Variants in SERPINB2 observed in about 807,000 individuals in gnomAD.
SERPINB2 encodes the protein serpin family B member 2.
A neutral mutation model predicts 39.4 loss-of-function variants in SERPINB2; 28 were observed. The observed-to-expected ratio is 0.71, with a 90% CI of 0.53 to 0.97. The LOEUF is 0.97. SERPINB2 is among the 50% of genes least tolerant of loss of function. The probability of loss-of-function intolerance (pLI) is 0.00; values close to 1 mark genes in which losing one functional copy is unlikely to be tolerated. For synonymous variants in SERPINB2, 209 were observed against 175.1 expected, an observed-to-expected ratio of 1.19 and a Z score of -1.53; for missense variants, 557 against 505.3, an observed-to-expected ratio of 1.10 and a Z score of -0.98.
intron 5 of SERPINB2, among the ~76,000 whole-genome samples, chr18:63,899,091 C>G (rs2049977416): frequency 6.6e-6 from 1 of 152,174 alleles, no homozygotes; most frequent in Non-Finnish European, 1.5e-5. Context: ...ATTGCTGCCT[C>G]TAGACTTTGT....
chr18:63,897,067 A>C, intron 3 of SERPINB2, 24 bp from the exon 4 acceptor site: 1 of 1,607,040 alleles, frequency 6.2e-7, no homozygotes, highest in Non-Finnish European at 8.5e-7. Context: ...GTTATATATA[A>C]AGAATTCCTT....
chr18:63,891,304 T>A (rs1353603901), intron 1 of SERPINB2, 132 bp from the exon 2 acceptor site: 1 of 919,734 alleles, frequency 1.1e-6, no homozygotes, highest in East Asian at 2.5e-5. Flanking sequence ...CTGCCTCATG[T>A]TGTTCCATGA....
rs1029618416 is a variant in SERPINB2, at chr18:63,902,998, T to G, written c.941T>G (p.Leu314Ter). ...GAGGTATACATACCCCAGTTCAAATTAGAAGAGCATTATGAACTCAGATCC... is the reference window on the plus strand; with the variant it reads ...GAGGTATACATACCCCAGTTCAAATGAGAAGAGCATTATGAACTCAGATCC... ...EVEVYIPQFKLEEHYELRSIL... is the reference protein window; with the variant it reads ...EVEVYIPQFK Residue 314 changes from leucine (L) to a stop codon, truncating the protein, a stop_gained, in exon 8 of 8, where the codon TTA becomes TGA. Coordinates refer to ENST00000299502, the MANE Select transcript of SERPINB2 (RefSeq NM_002575.3). LOFTEE classifies it high-confidence loss of function. 1 of 1,613,810 alleles carries G rather than the reference T, an allele frequency of 6.2e-7. No homozygotes were observed. The highest frequency in any genetic ancestry group is 1.7e-4 in the Middle Eastern group (1 of 6,054).
At chr18:63,902,080 C>T (rs558519431) in intron 6 of SERPINB2, among the ~76,000 whole-genome samples, 198 bp downstream of exon 6, 2 of 152,268 alleles carry the variant, frequency 1.3e-5, no homozygotes, top group African/African-American at 2.4e-5. Context: ...CAGACTCCAA[C>T]GTTGGCTCTA....
At chr18:63,892,114 A>G (rs777587478) in intron 2 of SERPINB2, among the ~76,000 whole-genome samples, 260 of 139,706 alleles carry the variant, frequency 1.9e-3, no homozygotes, top group African/African-American at 6.6e-3. Context: ...TCACAAAGGG[A>G]AAAAAAAAAA....
intron 1 of SERPINB2, among the ~76,000 whole-genome samples, chr18:63,889,011 A>C (rs1274581540): frequency 6.6e-6 from 1 of 152,208 alleles, no homozygotes; most frequent in Non-Finnish European, 1.5e-5. Context: ...GATTTCTAAA[A>C]TTATGAAACT....
chr18:63,902,101 C>CA (rs1418026109), intron 6 of SERPINB2, among the ~76,000 whole-genome samples: 1 of 152,094 alleles, frequency 6.6e-6, no homozygotes, highest in Non-Finnish European at 1.5e-5. Flanking sequence ...CCACTTATTT[C>CA]AAAGGGCTGT....
intron 5 of SERPINB2, among the ~76,000 whole-genome samples, chr18:63,898,939 T>C (rs976979055): frequency 3.9e-5 from 6 of 152,192 alleles, no homozygotes; most frequent in African/African-American, 1.4e-4. Context: ...ACACTTATTA[T>C]GCTATTCCCA....
intron 4 of SERPINB2, among the ~76,000 whole-genome samples, 194 bp from the exon 5 acceptor site, chr18:63,897,533 A>T (rs2049967570): frequency 6.6e-6 from 1 of 151,884 alleles, no homozygotes; most frequent in Non-Finnish European, 1.5e-5. Context: ...AAGAGGGTGG[A>T]TAGAGTTGGG....
intron 1 of SERPINB2, among the ~76,000 whole-genome samples, chr18:63,889,047 A>G (rs2144692515): frequency 6.6e-6 from 1 of 152,326 alleles, no homozygotes; most frequent in East Asian, 1.9e-4. Flanking sequence ...AAAAGTTTGT[A>G]GGAAAGCATT....
rs1380086683 is a variant in SERPINB2, at chr18:63,893,804, ACTT to A, written c.169-1456_169-1454del. Among the ~76,000 whole-genome samples the A allele has an allele frequency of 1.2e-4, 19 of 152,330 alleles. 1 individual carries two copies. The East Asian group carries it at 3.7e-3, about 29-fold the overall frequency. ...GCCTTAGCCAGGCATCTTTCTAAGAACTTCTTATAAATTTACTCACATAAGACA... is the reference window on the plus strand; with the variant it reads ...GCCTTAGCCAGGCATCTTTCTAAGAACTTATAAATTTACTCACATAAGACA... On this transcript the variant is annotated intron_variant, in intron 2 of 7. Coordinates refer to ENST00000299502, the MANE Select transcript of SERPINB2 (RefSeq NM_002575.3).
At chr18:63,894,331 G>C (rs1004433487) in intron 2 of SERPINB2, among the ~76,000 whole-genome samples, 22 of 152,186 alleles carry the variant, frequency 1.4e-4, no homozygotes, top group African/African-American at 5.3e-4. Context: ...ATGACTCAAA[G>C]AGCAGAAAAA....
chr18:63,893,566 G>A (rs187353339), intron 2 of SERPINB2, among the ~76,000 whole-genome samples: 4 of 152,288 alleles, frequency 2.6e-5, no homozygotes, highest in African/African-American at 9.6e-5. Flanking sequence ...GGAGAAAGCA[G>A]CACAGACTTT....
chr18:63,902,874 T>C (rs1313770360), intron 7 of SERPINB2, 27 bp from the exon 8 acceptor site: 1 of 1,519,830 alleles, frequency 6.6e-7, no homozygotes, highest in Admixed American at 2.3e-5. Context: ...TTTTCTTTTG[T>C]TTGTTTTGTT....
intron 5 of SERPINB2, among the ~76,000 whole-genome samples, chr18:63,899,356 C>T (rs2049978865): frequency 6.6e-6 from 1 of 152,192 alleles, no homozygotes; most frequent in Non-Finnish European, 1.5e-5. Flanking sequence ...CAGTATGTCA[C>T]ACTTATCCTA....
chr18:63,888,409 T>C (rs143379177), intron 1 of SERPINB2, among the ~76,000 whole-genome samples: 110 of 152,380 alleles, frequency 7.2e-4, no homozygotes, highest in African/African-American at 2.5e-3. Flanking sequence ...TTATTCATTA[T>C]GAAAGCCATC....
At position 63,891,623 on chromosome 18, in the gene SERPINB2, G is replaced by A; in HGVS notation, c.168+11G>A. On this transcript the variant is annotated intron_variant, in intron 2 of 7. Coordinates refer to ENST00000299502, the MANE Select transcript of SERPINB2 (RefSeq NM_002575.3). ...GACCAGATGGCCAAGGTGAGTTTGA[G>A]CTGAAGCTCCACATTTGGGCCGAGT... is the stretch of plus-strand genomic sequence containing the variant. The A allele has an allele frequency of 6.2e-7, 1 of 1,609,812 alleles. No individual in the cohort carries two copies. The highest frequency in any genetic ancestry group is 8.5e-7 in the Non-Finnish European group (1 of 1,177,114).
chr18:63,895,127 G>A (rs1468158652), intron 2 of SERPINB2, 137 bp from the exon 3 acceptor site: 3 of 934,178 alleles, frequency 3.2e-6, no homozygotes, highest in Non-Finnish European at 4.8e-6. Flanking sequence ...AGAGTATTGA[G>A]TATCTATGGT....
intron 1 of SERPINB2, 21 bp from the exon 2 acceptor site, chr18:63,891,415 T>A (rs1348101635): frequency 1.9e-6 from 3 of 1,612,720 alleles, no homozygotes; most frequent in East Asian, 2.2e-5. Context: ...GCTGTTTTTT[T>A]CTTCCTCTCT....
Sources: allele counts gnomAD v4.1 joint callset (sites outside exome capture counted in the v4.1 genomes callset), GRCh38; gene constraint gnomAD v4.1.1; transcripts MANE v1.5; gene names NCBI Gene and HGNC (gene_info 2026-07-23, HGNC 2026-07-21).